Variants in IQSEC1 observed in about 807,000 individuals in gnomAD.
IQSEC1 encodes IQ motif and SEC7 domain-containing protein 1.
Under a neutral mutation model 91.0 loss-of-function variants are expected in IQSEC1, and 31 were observed. The ratio of observed to expected loss-of-function variants is 0.34; its 90% CI spans 0.26 to 0.46. The LOEUF is 0.46. Ranked by LOEUF, IQSEC1 falls within the 20% of genes least tolerant of loss-of-function variation. IQSEC1 has a pLI of 1.00. For missense variants in IQSEC1, 1,388 were observed against 1,575.6 expected (o/e 0.88, Z 2.02); for synonymous variants, 699 against 662.6 (o/e 1.05, Z -0.84).
At chr3:13,025,185 G>C (rs1268127179) in intron 1 of IQSEC1, among the ~76,000 whole-genome samples, 2 of 152,248 alleles carry the variant, frequency 1.3e-5, no homozygotes. Context: ...CAGAAAGAGT[G>C]GGGGAAGCGA....
At chr3:13,034,283 C>T (rs1009666541) in intron 1 of IQSEC1, among the ~76,000 whole-genome samples, 6 of 152,308 alleles carry the variant, frequency 3.9e-5, no homozygotes, top group Non-Finnish European at 5.9e-5. Context: ...CTGTCCAAGC[C>T]GGTGGCTGCC....
At chr3:12,974,827 A>T (rs1211064331) in intron 1 of IQSEC1, among the ~76,000 whole-genome samples, 2 of 152,168 alleles carry the variant, frequency 1.3e-5, no homozygotes, top group African/African-American at 2.4e-5. Context: ...ACCCTCAGGG[A>T]GGGAGGACAC....
chr3:12,933,712 C>G (rs1697913184), intron 3 of IQSEC1, among the ~76,000 whole-genome samples: 1 of 152,308 alleles, frequency 6.6e-6, no homozygotes, highest in Admixed American at 6.5e-5. Flanking sequence ...GTGTTCTTAA[C>G]CATGGCTGTC....
chr3:13,272,082 A>G (rs9310420), intron 1 of IQSEC1, among the ~76,000 whole-genome samples: 3,563 of 152,284 alleles, frequency 0.023, 112 homozygotes, highest in African/African-American at 0.072. Flanking sequence ...AATCACACAA[A>G]GTATGATCTC....
chr3:12,914,997 A>G (rs1423017414), intron 8 of IQSEC1, 107 bp downstream of exon 8: 4 of 1,111,420 alleles, frequency 3.6e-6, no homozygotes, highest in Non-Finnish European at 5.3e-6. Flanking sequence ...GAACTCAAGC[A>G]GCCAGCACTT....
intron 1 of IQSEC1, among the ~76,000 whole-genome samples, chr3:13,070,156 T>A (rs115079620): frequency 7.2e-5 from 11 of 152,182 alleles, no homozygotes; most frequent in Non-Finnish European, 1.5e-5. Flanking sequence ...GGCTGTGCCA[T>A]GCACAGGGCC....
intron 1 of IQSEC1, among the ~76,000 whole-genome samples, chr3:13,220,892 T>C (rs1694646451): frequency 6.6e-6 from 1 of 152,210 alleles, no homozygotes. Context: ...CCTGTTTCTA[T>C]TGACAGCTAC....
intron 1 of IQSEC1, among the ~76,000 whole-genome samples, chr3:13,186,146 C>G (rs1395806363): frequency 1.3e-5 from 2 of 152,180 alleles, no homozygotes; most frequent in African/African-American, 4.8e-5. Flanking sequence ...AAGCTGCTGT[C>G]TATATCTATT....
intron 1 of IQSEC1, among the ~76,000 whole-genome samples, chr3:13,048,932 C>T (rs534236267): frequency 6.6e-6 from 1 of 152,204 alleles, no homozygotes; most frequent in South Asian, 2.1e-4. Context: ...GGCTCAGCAG[C>T]TCTACCTGTG....
chr3:13,062,604 G>A (rs1471935852), intron 1 of IQSEC1, among the ~76,000 whole-genome samples: 1 of 152,150 alleles, frequency 6.6e-6, no homozygotes, highest in African/African-American at 2.4e-5. Context: ...GCTCCTCTGA[G>A]GTGGCCTGAC....
intron 2 of IQSEC1, among the ~76,000 whole-genome samples, chr3:13,154,733 G>A (rs894659277): frequency 1.3e-5 from 2 of 151,636 alleles, no homozygotes; most frequent in Admixed American, 6.6e-5. Flanking sequence ...CACAATTTAA[G>A]TCTCAAGCAA....
intron 2 of IQSEC1, among the ~76,000 whole-genome samples, chr3:13,122,158 C>G (rs1706436481): frequency 1.3e-5 from 2 of 152,224 alleles, no homozygotes; most frequent in Admixed American, 1.3e-4. Flanking sequence ...ACCTGGAAAC[C>G]AGCTGGGCAG....
intron 2 of IQSEC1, among the ~76,000 whole-genome samples, chr3:13,092,950 T>A (rs892841701): frequency 1.1e-4 from 17 of 152,244 alleles, no homozygotes; most frequent in Non-Finnish European, 1.5e-4. Context: ...GCTCCTCCCA[T>A]TATTTAGCTC....
At chr3:13,007,166 G>A (rs768507270) in intron 1 of IQSEC1, among the ~76,000 whole-genome samples, 5 of 152,214 alleles carry the variant, frequency 3.3e-5, no homozygotes, top group African/African-American at 4.8e-5. Flanking sequence ...TGAGACTGTG[G>A]GGAGGGAATC....
chr3:13,273,880 C>T (rs959019845), intron 1 of IQSEC1, among the ~76,000 whole-genome samples: 1 of 152,196 alleles, frequency 6.6e-6, no homozygotes, highest in African/African-American at 2.4e-5. Flanking sequence ...CTCATGCCCT[C>T]CCCCTCACTC....
intron 2 of IQSEC1, among the ~76,000 whole-genome samples, chr3:12,939,100 C>T (rs192273450): frequency 6.6e-6 from 1 of 152,226 alleles, no homozygotes; most frequent in South Asian, 2.1e-4. Flanking sequence ...TGCCACCTCA[C>T]AGCAGCTTCT....
intron 2 of IQSEC1, among the ~76,000 whole-genome samples, chr3:13,161,631 G>A (rs534101773): frequency 2.0e-5 from 3 of 152,306 alleles, no homozygotes; most frequent in South Asian, 2.1e-4. Context: ...TGGGGACAAC[G>A]GGCCAGGGCA....
At chr3:13,023,444 G>A (rs920406542) in intron 1 of IQSEC1, among the ~76,000 whole-genome samples, 8 of 152,174 alleles carry the variant, frequency 5.3e-5, no homozygotes, top group South Asian at 2.1e-4. Flanking sequence ...CAGCCCCCAG[G>A]AAGTCCCCCA....
intron 1 of IQSEC1, among the ~76,000 whole-genome samples, chr3:13,203,520 G>C (rs1001135587): frequency 1.3e-5 from 2 of 152,108 alleles, no homozygotes; most frequent in African/African-American, 4.8e-5. Context: ...CCTGCCCCAG[G>C]CCCGTGGCAG....
Sources: gnomAD v4.1 joint callset for allele counts (sites outside exome capture counted in the v4.1 genomes callset) on GRCh38, gnomAD v4.1.1 for gene constraint, MANE v1.5 for transcripts, NCBI Gene and HGNC (gene_info 2026-07-23, HGNC 2026-07-21) for gene names.